Variants in CMIP observed in about 807,000 individuals in gnomAD.
The protein encoded by CMIP is C-Maf-inducing protein.
CMIP carries 13 observed loss-of-function variants against 97.3 expected under a neutral mutation model. That is an observed-to-expected ratio of 0.13 (90% CI 0.09 to 0.21). The LOEUF (loss-of-function observed/expected upper bound fraction) is 0.21. CMIP is among the 10% of genes least tolerant of loss of function. The pLI, the probability that CMIP is intolerant of heterozygous loss-of-function variation, is 1.00. For missense variants in CMIP, 847 were observed against 1,024.9 expected (o/e 0.83, Z 2.37); for synonymous variants, 538 against 436.3 (o/e 1.23, Z -2.91).
At chr16:81,560,924 A>T (rs564457415) in intron 1 of CMIP, among the ~76,000 whole-genome samples, 61 of 152,200 alleles carry the variant, frequency 4.0e-4, no homozygotes, top group African/African-American at 1.3e-3. Flanking sequence ...TGAAAATGCA[A>T]TTTCTCAGAA....
At chr16:81,680,525 G>T (rs1904770035) in intron 10 of CMIP, among the ~76,000 whole-genome samples, 1 of 152,234 alleles carries the variant, frequency 6.6e-6, no homozygotes, top group African/African-American at 2.4e-5. Flanking sequence ...AGAGGAAAGG[G>T]TGGGGTGTGC....
At chr16:81,638,077 A>G (rs1295496438) in intron 3 of CMIP, among the ~76,000 whole-genome samples, 1 of 152,152 alleles carries the variant, frequency 6.6e-6, no homozygotes, top group Non-Finnish European at 1.5e-5. Context: ...TGAAGATACA[A>G]ACATTCAGAG....
chr16:81,690,535 G>A (rs371647126), intron 10 of CMIP, among the ~76,000 whole-genome samples: 10 of 152,126 alleles, frequency 6.6e-5, no homozygotes, highest in African/African-American at 1.4e-4. Context: ...TCTGAGTCTC[G>A]CTCTGTTGTC....
chr16:81,542,066 C>T (rs760819628), intron 1 of CMIP, among the ~76,000 whole-genome samples: 22 of 152,134 alleles, frequency 1.4e-4, no homozygotes, highest in African/African-American at 4.3e-4. Context: ...CACCCTGGGT[C>T]GATGGATGTG....
intron 3 of CMIP, among the ~76,000 whole-genome samples, chr16:81,646,128 G>GTGGGTGGGTGGATAGT (rs1206354598): frequency 6.6e-6 from 1 of 151,304 alleles, no homozygotes; most frequent in Non-Finnish European, 1.5e-5. Flanking sequence ...GGATGGATGG[G>GTGGGTGGGTGGATAGT]TGGGTGGGTG....
Position 81,678,374 on chromosome 16 carries a change from G to T in CMIP, c.1134G>T (p.Pro378=). 1 of 1,612,206 alleles carries T rather than the reference G, an allele frequency of 6.2e-7. No individual in the cohort carries two copies. The highest frequency in any genetic ancestry group is 8.5e-7 in the Non-Finnish European group (1 of 1,179,246). Residue 378 remains proline (P), a synonymous_variant, in exon 10 of 21, where the codon CCG becomes CCT. Transcript: ENST00000537098. ...TLPLRLLHPS[P]DLVSQEATLS... ...CTCTGCGCCTTCTGCACCCCAGCCCGGACCTGGTGTCTCAGGAAGCCACGC... is the reference window on the plus strand; with the variant it reads ...CTCTGCGCCTTCTGCACCCCAGCCCTGACCTGGTGTCTCAGGAAGCCACGC...
At chr16:81,500,608 C>T (rs2089591644) in intron 1 of CMIP, among the ~76,000 whole-genome samples, 1 of 151,684 alleles carries the variant, frequency 6.6e-6, no homozygotes, top group Admixed American at 6.6e-5. Context: ...CCTGCCTCAG[C>T]CTCCTGAGTA....
At position 81,525,727 on chromosome 16, in the gene CMIP, T is replaced by G. The variant is rs190561580; in HGVS notation, c.300+80186T>G. 5.7e-4 allele frequency among the ~76,000 whole-genome samples: 87 copies of G among 152,302 alleles called. 1 individual carries two copies. The East Asian group carries it at 0.014, about 25-fold the overall frequency. Reference sequence around the variant, plus strand: ...ATCATCCATCTCCAGAACACTGTCATCTTCTCAAACTGAAACTCCGTCCTC... The same window carrying G: ...ATCATCCATCTCCAGAACACTGTCAGCTTCTCAAACTGAAACTCCGTCCTC... On this transcript the variant is annotated intron_variant, in intron 1 of 20. Coordinates refer to ENST00000537098, the MANE Select transcript of CMIP (RefSeq NM_198390.3).
chr16:81,470,015 A>G (rs1447907732), intron 1 of CMIP, among the ~76,000 whole-genome samples: 1 of 152,166 alleles, frequency 6.6e-6, no homozygotes, highest in Non-Finnish European at 1.5e-5. Context: ...CCTCACTGGG[A>G]GCTCTTGCCT....
At chr16:81,483,619 C>G (rs2089268476) in intron 1 of CMIP, among the ~76,000 whole-genome samples, 1 of 152,212 alleles carries the variant, frequency 6.6e-6, no homozygotes, top group Admixed American at 6.5e-5. Flanking sequence ...CTCCCTGACC[C>G]TCCCCCAGCT....
intron 5 of CMIP, among the ~76,000 whole-genome samples, chr16:81,659,313 C>A (rs539328684): frequency 6.6e-6 from 1 of 151,926 alleles, no homozygotes; most frequent in Non-Finnish European, 1.5e-5. Context: ...GGCAGATCAA[C>A]AGATAATACA....
intron 1 of CMIP, among the ~76,000 whole-genome samples, chr16:81,502,826 A>C (rs931966644): frequency 6.6e-6 from 1 of 152,240 alleles, no homozygotes. Flanking sequence ...CTATGTGACC[A>C]GTATTTAGAA....
At chr16:81,598,968 C>CAAAAAAAAAAAAAAAAGAA (rs2091610757) in intron 1 of CMIP, among the ~76,000 whole-genome samples, 1 of 49,874 alleles carries the variant, frequency 2.0e-5, no homozygotes, top group Non-Finnish European at 3.9e-5. Context: ...GACTCTGTCT[C>CAAAAAAAAAAAAAAAAGAA]AAAAAAAAAA....
chr16:81,648,375 C>T (rs942195978), intron 3 of CMIP, among the ~76,000 whole-genome samples: 1 of 152,082 alleles, frequency 6.6e-6, no homozygotes, highest in Non-Finnish European at 1.5e-5. Flanking sequence ...TGGCCACCCC[C>T]TCAGCATCGC....
In CMIP at chr16:81,678,667, G is replaced by T. The variant is rs761999366; in HGVS notation, c.1388+39G>T. On this transcript the variant is annotated intron_variant, in intron 10 of 20. Coordinates refer to ENST00000537098, the MANE Select transcript of CMIP (RefSeq NM_198390.3). ...CCGCGTGCCCGCCCCCGGGGCCGGT[G>T]GGAGGAGACTGGGCTTTGCTGCTGG... 23 of 977,502 alleles carry T rather than the reference G, an allele frequency of 2.4e-5. No homozygotes were observed. The South Asian group carries it at 3.2e-4, about 14-fold the overall frequency. 60.6% of individuals were successfully genotyped at this position (977,502 alleles called of 1,614,324 possible).
intron 3 of CMIP, among the ~76,000 whole-genome samples, chr16:81,628,482 G>T (rs927335985): frequency 1.3e-5 from 2 of 152,222 alleles, no homozygotes; most frequent in African/African-American, 4.8e-5. Context: ...TTACAGCCCT[G>T]AGGAGGTGCC....
intron 1 of CMIP, among the ~76,000 whole-genome samples, chr16:81,455,635 A>G (rs1488988669): frequency 1.3e-5 from 2 of 151,930 alleles, no homozygotes; most frequent in African/African-American, 2.4e-5. Flanking sequence ...GCTGTGGTGC[A>G]CACAGCCTTT....
At chr16:81,583,825 T>A (rs2091337098) in intron 1 of CMIP, among the ~76,000 whole-genome samples, 1 of 152,102 alleles carries the variant, frequency 6.6e-6, no homozygotes, top group Non-Finnish European at 1.5e-5. Context: ...TGTAGGCAAA[T>A]CAGGGATATT....
intron 3 of CMIP, among the ~76,000 whole-genome samples, chr16:81,633,018 T>G (rs938240495): frequency 2.0e-5 from 3 of 152,220 alleles, no homozygotes; most frequent in Non-Finnish European, 4.4e-5. Flanking sequence ...AGCGTTCGTG[T>G]GTCATCCAGC....
Sources: gnomAD v4.1 joint callset for allele counts (sites outside exome capture counted in the v4.1 genomes callset) on GRCh38, gnomAD v4.1.1 for gene constraint, MANE v1.5 for transcripts, NCBI Gene and HGNC (gene_info 2026-07-23, HGNC 2026-07-21) for gene names.